The following SCAPER variants were observed in gnomAD, a reference collection of about 807,000 sequenced individuals.
SCAPER encodes S phase cyclin A-associated protein in the endoplasmic reticulum.
A neutral mutation model predicts 182.2 loss-of-function variants in SCAPER; 98 were observed. The ratio of observed to expected loss-of-function variants is 0.54; its 90% CI spans 0.46 to 0.64. SCAPER has a LOEUF of 0.64. SCAPER is among the 30% of genes least tolerant of loss of function. The pLI is 0.00. For synonymous variants in SCAPER, 605 were observed against 564.6 expected (o/e 1.07, Z -1.01); for missense variants, 1,432 against 1,690.0 (o/e 0.85, Z 2.68).
intron 1 of SCAPER, among the ~76,000 whole-genome samples, chr15:76,886,201 C>T (rs1368856070): frequency 6.6e-6 from 1 of 152,082 alleles, no homozygotes; most frequent in Non-Finnish European, 1.5e-5. Flanking sequence ...AACTCACAAC[C>T]GGGCACAGTG....
intron 21 of SCAPER, among the ~76,000 whole-genome samples, chr15:76,636,092 T>A (rs776065749): frequency 3.9e-5 from 6 of 152,224 alleles, no homozygotes; most frequent in Non-Finnish European, 7.3e-5. Context: ...GCAGGTCTAC[T>A]AGTGACAAAC....
intron 23 of SCAPER, among the ~76,000 whole-genome samples, chr15:76,542,648 G>T (rs1383015884): frequency 6.6e-6 from 1 of 151,974 alleles, no homozygotes; most frequent in Non-Finnish European, 1.5e-5. Context: ...CTTAAAAAGA[G>T]AGGTGTAGGT....
At chr15:76,485,046 T>C (rs1418407771) in intron 24 of SCAPER, among the ~76,000 whole-genome samples, 1 of 152,208 alleles carries the variant, frequency 6.6e-6, no homozygotes, top group Non-Finnish European at 1.5e-5. Flanking sequence ...TTGGAAGTCC[T>C]GGCCAGGGCA....
intron 25 of SCAPER, among the ~76,000 whole-genome samples, chr15:76,470,712 G>C (rs2050086199): frequency 6.6e-6 from 1 of 152,160 alleles, no homozygotes; most frequent in African/African-American, 2.4e-5. Context: ...AAAATTGGCT[G>C]CTTGTTCCCA....
chr15:76,598,106 GA>G lies in SCAPER; in HGVS notation c.2711+23657del, dbSNP rs1278622884. Among the ~76,000 whole-genome samples, 10 of 107,406 alleles carry G rather than the reference GA, an allele frequency of 9.3e-5. 3 individuals carry two copies. In the South Asian group the frequency reaches 1.5e-3, roughly 16 times the overall value. 70.5% of individuals were successfully genotyped at this position (107,406 alleles called of 152,430 possible). A position where few individuals can be genotyped will look rare whatever the true frequency, so the allele number is the denominator to read the frequency against. ...CAAGGAACTTAAAACAAATGTACAA[GA>G]AAAAAAAAACAACCCCATCAAAAAG... On this transcript the variant is annotated intron_variant, in intron 22 of 31. Transcript: ENST00000563290.
At position 76,432,417 on chromosome 15, in the gene SCAPER, C is replaced by T. The variant is rs142499845; in HGVS notation, c.3311+1661G>A. On this transcript the variant is annotated intron_variant, in intron 26 of 31. Transcript: ENST00000563290. ...AGGGTAAGGAAGCTACTGAATGAAA[C>T]AACTGTTCCCAAGAAAGCACTACAA... is the stretch of plus-strand genomic sequence containing the variant. 2.4e-3 allele frequency among the ~76,000 whole-genome samples: 365 copies of T among 152,326 alleles called. 2 individuals are homozygous for T. Among genetic ancestry groups the T allele is most frequent in the African/African-American group, 8.3e-3 (347 of 41,576 alleles).
rs140880102 is a variant in SCAPER, at chr15:76,414,371, C to T, written c.3312-9692G>A. Among the ~76,000 whole-genome samples the T allele has an allele frequency of 5.9e-5, 9 of 151,898 alleles. No homozygotes were observed. In the East Asian group the frequency reaches 1.6e-3, roughly 26 times the overall value. The stretch of plus-strand genomic sequence containing the variant: ...ACCGTTCAAATAGCTCAGAAAACCT[C>T]AAGCAGAAAAAGTGCAATGAGAACT... On this transcript the variant is annotated intron_variant, in intron 26 of 31. Transcript: ENST00000563290.
At chr15:76,747,743 G>A (rs1188405839) in intron 15 of SCAPER, among the ~76,000 whole-genome samples, 1 of 152,044 alleles carries the variant, frequency 6.6e-6, no homozygotes, top group East Asian at 1.9e-4. Flanking sequence ...GATGTGATCT[G>A]CACATGCTGG....
chr15:76,549,207 C>T (rs1465240599), intron 23 of SCAPER, among the ~76,000 whole-genome samples: 1 of 152,134 alleles, frequency 6.6e-6, no homozygotes, highest in Non-Finnish European at 1.5e-5. Context: ...GGCGATTCCT[C>T]AGGGATCTAG....
At chr15:76,446,645 C>T (rs568468737) in intron 25 of SCAPER, among the ~76,000 whole-genome samples, 1 of 152,306 alleles carries the variant, frequency 6.6e-6, no homozygotes, top group Admixed American at 6.5e-5. Flanking sequence ...CTAAGCTTTG[C>T]TATCCACTTT....
At chr15:76,840,057 T>G (rs1314427875) in intron 5 of SCAPER, among the ~76,000 whole-genome samples, 7 of 152,182 alleles carry the variant, frequency 4.6e-5, no homozygotes, top group Non-Finnish European at 7.3e-5. Context: ...CAGTAGTGTC[T>G]TCTACCGCAA....
At chr15:76,720,627 G>A (rs1267704864) in intron 17 of SCAPER, among the ~76,000 whole-genome samples, 7 of 152,166 alleles carry the variant, frequency 4.6e-5, no homozygotes, top group Non-Finnish European at 1.0e-4. Flanking sequence ...CATTCTAACT[G>A]GTGTGAGATG....
intron 23 of SCAPER, among the ~76,000 whole-genome samples, chr15:76,559,509 T>A (rs1352409461): frequency 6.6e-6 from 1 of 152,182 alleles, no homozygotes; most frequent in African/African-American, 2.4e-5. Flanking sequence ...TGTGAGTCGG[T>A]TAAACTCTTT....
intron 27 of SCAPER, among the ~76,000 whole-genome samples, chr15:76,395,623 G>C (rs1567053397): frequency 6.6e-6 from 1 of 152,092 alleles, no homozygotes; most frequent in Non-Finnish European, 1.5e-5. Flanking sequence ...CTTTTCATAT[G>C]CCTGTTTGCC....
At chr15:76,712,426 T>C (rs2059639474) in intron 17 of SCAPER, among the ~76,000 whole-genome samples, 1 of 151,928 alleles carries the variant, frequency 6.6e-6, no homozygotes, top group East Asian at 1.9e-4. Flanking sequence ...TGCGGGCTCT[T>C]TTTTGGTTCC....
chr15:76,677,961 A>C (rs1325607211), intron 20 of SCAPER, among the ~76,000 whole-genome samples: 3 of 152,020 alleles, frequency 2.0e-5, no homozygotes, highest in African/African-American at 7.2e-5. Context: ...ACAACACAGA[A>C]TTTCATTAAG....
At chr15:76,476,569 C>T (rs576140886) in intron 24 of SCAPER, among the ~76,000 whole-genome samples, 2 of 146,096 alleles carry the variant, frequency 1.4e-5, no homozygotes, top group African/African-American at 5.0e-5. Context: ...GCTGGATCTA[C>T]AGGTACACAC....
At chr15:76,687,765 T>C (rs1306282493) in intron 20 of SCAPER, among the ~76,000 whole-genome samples, 14 of 152,236 alleles carry the variant, frequency 9.2e-5, no homozygotes, top group Non-Finnish European at 1.3e-4. Flanking sequence ...GCAAAGGACA[T>C]GAACTCATCC....
chr15:76,823,557 C>T (rs2067746166), intron 5 of SCAPER, among the ~76,000 whole-genome samples: 1 of 150,672 alleles, frequency 6.6e-6, no homozygotes, highest in South Asian at 2.1e-4. Flanking sequence ...GGAACTCAGA[C>T]CCAAGACTAA....
Sources: allele counts gnomAD v4.1 joint callset (sites outside exome capture counted in the v4.1 genomes callset), GRCh38; gene constraint gnomAD v4.1.1; transcripts MANE v1.5; gene names NCBI Gene and HGNC (gene_info 2026-07-23, HGNC 2026-07-21).